SLC35A3: variants seen among roughly 807,000 people sequenced by gnomAD.
SLC35A3 encodes the protein solute carrier family 35 member A3, also known as UDP-N-acetylglucosamine transporter.
SLC35A3 carries 26 observed loss-of-function variants against 39.0 expected under a neutral mutation model. The observed-to-expected ratio is 0.67, with a 90% CI of 0.49 to 0.92. The LOEUF (loss-of-function observed/expected upper bound fraction) is 0.92. Ranked by LOEUF, SLC35A3 falls within the 40% of genes least tolerant of loss-of-function variation. The probability of loss-of-function intolerance (pLI) is 0.00; values close to 1 mark genes in which losing one functional copy is unlikely to be tolerated. For missense variants in SLC35A3, 299 were observed against 371.6 expected (o/e 0.80, Z 1.61); for synonymous variants, 135 against 133.1 (o/e 1.01, Z -0.10).
rs1654250680 is a variant in SLC35A3, at chr1:100,027,687, T to C, written c.*5211T>C. On this transcript the variant is annotated 3_prime_UTR_variant, in exon 8 of 8. Transcript: ENST00000533028. ...AATGCATGGAGATCAATTGTGATAA[T>C]ATACAGGATTTTAGTCCTATCTCTA... 1 of 152,280 alleles carries C rather than the reference T, an allele frequency of 6.6e-6. No individual in the cohort carries two copies. Among genetic ancestry groups the C allele is most frequent in the African/African-American group, 2.4e-5 (1 of 41,454 alleles). The allele number at this position is 152,280 out of a possible 1,614,324, so 9.4% of individuals were successfully genotyped here.
At chr1:100,009,102 C>A (rs1659446941) in intron 4 of SLC35A3, 1 of 152,070 alleles carries the variant, frequency 6.6e-6, no homozygotes, top group Admixed American at 6.6e-5. Context: ...GCCAGGTGCC[C>A]ACTTGGTACT....
At chr1:99,983,321 A>G (rs1657563563) in intron 1 of SLC35A3, among the ~76,000 whole-genome samples, 1 of 151,942 alleles carries the variant, frequency 6.6e-6, no homozygotes, top group South Asian at 2.1e-4. Flanking sequence ...CGGGCGGATC[A>G]CAAGGTGAGG....
intron 3 of SLC35A3, among the ~76,000 whole-genome samples, chr1:100,002,195 GTTC>G (rs1415124453): frequency 1.3e-5 from 2 of 152,156 alleles, no homozygotes; most frequent in African/African-American, 4.8e-5. Flanking sequence ...ATTGGTGTTA[GTTC>G]TTCTTTATAA....
intron 1 of SLC35A3, among the ~76,000 whole-genome samples, chr1:99,978,127 T>G (rs1657231672): frequency 6.6e-6 from 1 of 152,242 alleles, no homozygotes; most frequent in Admixed American, 6.5e-5. Context: ...GTTATTAATA[T>G]TTCAAGTTAT....
intron 1 of SLC35A3, among the ~76,000 whole-genome samples, chr1:99,982,926 C>A (rs1331707610): frequency 6.6e-6 from 1 of 152,018 alleles, no homozygotes; most frequent in African/African-American, 2.4e-5. Context: ...ACAAACAAAA[C>A]CCTGAAATAT....
Position 100,034,874 on chromosome 1 carries a change from T to C in SLC35A3, c.*12398T>C, listed in dbSNP as rs1661414553. 6.6e-6 allele frequency: 1 copy of C among 152,184 alleles called. No homozygotes were observed. The highest frequency in any genetic ancestry group is 1.5e-5 in the Non-Finnish European group (1 of 68,042). 9.4% of individuals were successfully genotyped at this position (152,184 alleles called of 1,614,324 possible). ...TTCATGAACTTTCCAAACATTGGTT[T>C]CTGCTTGTTTCTAAGCCTGATTCTT... On this transcript the variant is annotated 3_prime_UTR_variant, in exon 8 of 8. Coordinates refer to ENST00000533028, the MANE Select transcript of SLC35A3 (RefSeq NM_012243.3).
At chr1:99,983,632 AT>A (rs1022647874) in intron 1 of SLC35A3, among the ~76,000 whole-genome samples, 3 of 149,678 alleles carry the variant, frequency 2.0e-5, no homozygotes, top group Non-Finnish European at 4.5e-5. Context: ...ATATTATTTA[AT>A]TTTTTTTTTC....
intron 1 of SLC35A3, among the ~76,000 whole-genome samples, chr1:99,979,803 A>T (rs898764772): frequency 1.3e-5 from 2 of 151,350 alleles, no homozygotes; most frequent in Non-Finnish European, 2.9e-5. Context: ...CAGCACTTTG[A>T]GAGGCCGAGG....
chr1:99,990,021 T>C (rs1657982396), intron 1 of SLC35A3, among the ~76,000 whole-genome samples: 1 of 152,184 alleles, frequency 6.6e-6, no homozygotes. Context: ...CCTCTCAAAG[T>C]GCTGGGATTA....
chr1:100,015,029 G>T (rs186320099), intron 5 of SLC35A3, among the ~76,000 whole-genome samples: 164 of 151,818 alleles, frequency 1.1e-3, no homozygotes, highest in African/African-American at 3.7e-3. Context: ...GTGGTGGCAC[G>T]CGCCTGTAGT....
At chr1:100,013,402 T>C (rs932716096) in intron 5 of SLC35A3, among the ~76,000 whole-genome samples, 17 of 140,914 alleles carry the variant, frequency 1.2e-4, no homozygotes, top group African/African-American at 4.5e-4. Context: ...TGTTTGAGCT[T>C]AGGAATTGGA....
intron 1 of SLC35A3, chr1:99,970,613 A>G: frequency 6.5e-7 from 1 of 1,536,126 alleles, no homozygotes; most frequent in Non-Finnish European, 8.7e-7. Context: ...AAGAAGCCGC[A>G]GGAACTTAAA....
At chr1:100,020,303 A>G (rs147036935) in intron 7 of SLC35A3, among the ~76,000 whole-genome samples, 426 of 152,260 alleles carry the variant, frequency 2.8e-3, no homozygotes, top group African/African-American at 9.7e-3. Context: ...AGATCCTGCT[A>G]AAGATATTAT....
intron 1 of SLC35A3, among the ~76,000 whole-genome samples, chr1:99,971,042 A>G (rs945606037): frequency 6.6e-6 from 1 of 152,142 alleles, no homozygotes; most frequent in Admixed American, 6.5e-5. Flanking sequence ...TACTTGCACT[A>G]TAGCAATAAC....
chr1:99,974,334 C>G (rs11166384), intron 1 of SLC35A3, among the ~76,000 whole-genome samples: 2 of 151,876 alleles, frequency 1.3e-5, no homozygotes, highest in Middle Eastern at 3.2e-3. Context: ...CATACTATTA[C>G]TTATCACCAT....
intron 7 of SLC35A3, among the ~76,000 whole-genome samples, chr1:100,020,180 C>T (rs555409445): frequency 1.3e-5 from 2 of 152,226 alleles, no homozygotes; most frequent in Admixed American, 1.3e-4. Context: ...TCATTACATT[C>T]TGATAGTTTT....
At chr1:99,991,765 T>C (rs891233709) in intron 1 of SLC35A3, among the ~76,000 whole-genome samples, 1 of 152,126 alleles carries the variant, frequency 6.6e-6, no homozygotes, top group African/African-American at 2.4e-5. Flanking sequence ...AGATCTTTTT[T>C]TGGAGACGTA....
intron 3 of SLC35A3, among the ~76,000 whole-genome samples, chr1:100,002,892 C>T (rs1024852272): frequency 4.6e-5 from 7 of 151,756 alleles, no homozygotes; most frequent in African/African-American, 1.7e-4. Flanking sequence ...GGGATTATAG[C>T]TATGAGCCAC....
At chr1:99,989,114 C>T (rs1025257560) in intron 1 of SLC35A3, among the ~76,000 whole-genome samples, 4 of 152,154 alleles carry the variant, frequency 2.6e-5, no homozygotes, top group African/African-American at 4.8e-5. Context: ...GGGCTGTTTG[C>T]TCTAAATCCC....
Sources: allele counts gnomAD v4.1 joint callset (sites outside exome capture counted in the v4.1 genomes callset), GRCh38; gene constraint gnomAD v4.1.1; transcripts MANE v1.5; gene names NCBI Gene and HGNC (gene_info 2026-07-23, HGNC 2026-07-21).